Variants in ARHGAP15 observed in about 807,000 individuals in gnomAD.
ARHGAP15 encodes the protein Rho GTPase activating protein 15, also known as rho GTPase-activating protein 15.
ARHGAP15 carries 51 observed loss-of-function variants against 63.7 expected under a neutral mutation model. The ratio of observed to expected loss-of-function variants is 0.80; its 90% CI spans 0.64 to 1.01. The LOEUF (loss-of-function observed/expected upper bound fraction) is 1.01, where lower values mean the gene tolerates loss of function less well. ARHGAP15 is among the 50% of genes least tolerant of loss of function. The pLI, the probability that ARHGAP15 is intolerant of heterozygous loss-of-function variation, is 0.00. For missense variants in ARHGAP15, 560 were observed against 564.6 expected, an observed-to-expected ratio of 0.99 and a Z score of 0.08; for synonymous variants, 191 against 193.8, an observed-to-expected ratio of 0.99 and a Z score of 0.12.
intron 2 of ARHGAP15, among the ~76,000 whole-genome samples, chr2:143,187,814 T>C (rs1691508762): frequency 6.6e-6 from 1 of 152,238 alleles, no homozygotes; most frequent in South Asian, 2.1e-4. Context: ...TTTATCCAAT[T>C]AGGTGGGAGA....
intron 6 of ARHGAP15, among the ~76,000 whole-genome samples, chr2:143,370,818 T>C (rs1158945057): frequency 2.0e-5 from 3 of 152,194 alleles, no homozygotes; most frequent in East Asian, 1.9e-4. Flanking sequence ...CTTCCTTTCA[T>C]TTACTTCTTT....
At chr2:143,255,542 C>G (rs531875971) in intron 6 of ARHGAP15, among the ~76,000 whole-genome samples, 4 of 151,946 alleles carry the variant, frequency 2.6e-5, no homozygotes, top group Non-Finnish European at 5.9e-5. Flanking sequence ...TCTTTCTGAT[C>G]TGAATATGTC....
chr2:143,524,913 G>T (rs1694200199), intron 10 of ARHGAP15, among the ~76,000 whole-genome samples: 1 of 152,196 alleles, frequency 6.6e-6, no homozygotes, highest in Non-Finnish European at 1.5e-5. Context: ...CCATTGTACA[G>T]TATAGTAGCA....
Position 143,155,561 on chromosome 2 carries a change from T to C in ARHGAP15, c.71T>C (p.Val24Ala). 1 of 1,609,358 alleles carries C rather than the reference T, an allele frequency of 6.2e-7. No homozygotes were observed. The highest frequency in any genetic ancestry group is 1.3e-5 in the African/African-American group (1 of 74,566). Residue 24 changes from valine (V) to alanine (A), a missense_variant, in exon 2 of 14, where the codon GTG (valine) becomes GCG (alanine). Val to Ala is a moderately conservative substitution (Grantham distance 64). Transcript: ENST00000295095. ...LNSTRQGTGAVQMRIKNANSH... is the reference protein window; with the variant it reads ...LNSTRQGTGAAQMRIKNANSH... ...TCTACCCGCCAAGGCACAGGAGCTG[T>C]GCAAATGAGAATCAAAAATGCCAAC...
intron 6 of ARHGAP15, among the ~76,000 whole-genome samples, chr2:143,321,408 CAT>C (rs1416383824): frequency 6.6e-6 from 1 of 152,214 alleles, no homozygotes; most frequent in Non-Finnish European, 1.5e-5. Context: ...GTTTTGCTCT[CAT>C]AGTCGGTTCA....
At chr2:143,236,713 G>A (rs1476225003) in intron 5 of ARHGAP15, 2 of 152,120 alleles carry the variant, frequency 1.3e-5, no homozygotes, top group East Asian at 3.9e-4. Flanking sequence ...GTAAAAGGGG[G>A]CAAAAGATAT....
rs569863042 is a variant in ARHGAP15, at chr2:143,706,108, A to G, written c.1244+2584A>G. Among the ~76,000 whole-genome samples, 548 of 152,282 alleles carry G rather than the reference A, an allele frequency of 3.6e-3. 4 individuals are homozygous for G. Among genetic ancestry groups the G allele is most frequent in the Non-Finnish European group, 2.8e-3 (190 of 68,020 alleles). On this transcript the variant is annotated intron_variant, in intron 13 of 13. Transcript: ENST00000295095. ...CCAACCTTTCTTGGGTGGTATGACT[A>G]TATTTCACCCTGTACCAATTTATAA...
intron 6 of ARHGAP15, chr2:143,435,211 A>G: frequency 1.0e-6 from 1 of 979,838 alleles, no homozygotes. Flanking sequence ...AGATTTGAAA[A>G]AGACAGACAG....
intron 3 of ARHGAP15, among the ~76,000 whole-genome samples, chr2:143,214,701 A>G (rs1174364024): frequency 6.6e-6 from 1 of 152,212 alleles, no homozygotes; most frequent in African/African-American, 2.4e-5. Flanking sequence ...TTCATAAGTC[A>G]TCATTATTAT....
At chr2:143,608,125 A>T (rs1429643282) in intron 11 of ARHGAP15, 2 of 152,188 alleles carry the variant, frequency 1.3e-5, no homozygotes, top group Non-Finnish European at 2.9e-5. Context: ...ATGATGAATG[A>T]TGCTTGACCT....
chr2:143,639,421 C>T (rs1019138153), intron 12 of ARHGAP15, among the ~76,000 whole-genome samples: 11 of 152,064 alleles, frequency 7.2e-5, no homozygotes, highest in African/African-American at 2.7e-4. Context: ...AAATAAGCAC[C>T]AGTGAAATTC....
At chr2:143,306,560 GCAAA>G (rs1040196121) in intron 6 of ARHGAP15, among the ~76,000 whole-genome samples, 43 of 152,210 alleles carry the variant, frequency 2.8e-4, no homozygotes, top group Non-Finnish European at 5.1e-4. Flanking sequence ...ACAGTGCCTG[GCAAA>G]CAAACAAAAA....
chr2:143,258,799 G>C (rs1481126738), intron 6 of ARHGAP15, among the ~76,000 whole-genome samples: 1 of 152,084 alleles, frequency 6.6e-6, no homozygotes, highest in East Asian at 1.9e-4. Flanking sequence ...TTTCTTTTTA[G>C]TAGAGAGCTA....
intron 6 of ARHGAP15, among the ~76,000 whole-genome samples, chr2:143,415,235 T>C (rs1302479771): frequency 1.3e-5 from 2 of 152,126 alleles, no homozygotes; most frequent in Admixed American, 6.5e-5. Flanking sequence ...TAAAATTGAA[T>C]ACCTGATTTT....
At chr2:143,238,387 C>T (rs1693735476) in intron 5 of ARHGAP15, 1 of 151,954 alleles carries the variant, frequency 6.6e-6, no homozygotes. Flanking sequence ...AGGCAAAGGA[C>T]ATGAACAGAT....
rs144432126 is a variant in ARHGAP15, at chr2:143,522,793, G to T, written c.925+3429G>T. On this transcript the variant is annotated intron_variant, in intron 10 of 13. Coordinates refer to ENST00000295095, the MANE Select transcript of ARHGAP15 (RefSeq NM_018460.4). ...AACCCCTGGGCCATGGGTTGGGAAA[G>T]CTTGATGTAGAGGAAGGCATTGTGA... 2.2e-3 allele frequency among the ~76,000 whole-genome samples: 335 copies of T among 152,244 alleles called. 1 individual carries two copies. The highest frequency in any genetic ancestry group is 7.7e-3 in the African/African-American group (320 of 41,560).
intron 2 of ARHGAP15, among the ~76,000 whole-genome samples, chr2:143,193,714 A>G (rs546103454): frequency 6.6e-6 from 1 of 152,326 alleles, no homozygotes; most frequent in East Asian, 1.9e-4. Flanking sequence ...TAGGCAGACC[A>G]TTTTCAGTGA....
At chr2:143,631,633 A>G (rs1313717472) in intron 12 of ARHGAP15, among the ~76,000 whole-genome samples, 1 of 152,060 alleles carries the variant, frequency 6.6e-6, no homozygotes, top group Non-Finnish European at 1.5e-5. Context: ...TAAGAAACCT[A>G]CTTTTTCAAA....
chr2:143,479,933 G>A (rs1381425139), intron 8 of ARHGAP15, among the ~76,000 whole-genome samples: 4 of 151,906 alleles, frequency 2.6e-5, no homozygotes, highest in Non-Finnish European at 5.9e-5. Flanking sequence ...ATCTATAGTG[G>A]AAGGGAAATT....
Sources: gnomAD v4.1 joint callset for allele counts (sites outside exome capture counted in the v4.1 genomes callset) on GRCh38, gnomAD v4.1.1 for gene constraint, MANE v1.5 for transcripts, NCBI Gene and HGNC (gene_info 2026-07-23, HGNC 2026-07-21) for gene names.